The following MOSMO variants were observed in gnomAD, a reference collection of about 807,000 sequenced individuals.
MOSMO encodes the protein modulator of smoothened.
MOSMO carries 5 observed loss-of-function variants against 18.4 expected under a neutral mutation model. The ratio of observed to expected loss-of-function variants is 0.27; its 90% CI spans 0.14 to 0.57. The LOEUF is 0.57. Ranked by LOEUF, MOSMO falls within the 20% of genes least tolerant of loss-of-function variation. The probability of loss-of-function intolerance (pLI) is 0.92; values close to 1 mark genes in which losing one functional copy is unlikely to be tolerated. For synonymous variants in MOSMO, 82 were observed against 82.3 expected, an observed-to-expected ratio of 1.00 and a Z score of 0.02; for missense variants, 138 against 211.8, an observed-to-expected ratio of 0.65 and a Z score of 2.16.
chr16:22,020,913 T>C (rs1899748273), intron 1 of MOSMO, among the ~76,000 whole-genome samples: 1 of 152,240 alleles, frequency 6.6e-6, no homozygotes, highest in Non-Finnish European at 1.5e-5. Context: ...TTTTGGGTTT[T>C]CTGGCCCTAT....
chr16:22,010,862 A>G (rs1382324795), intron 1 of MOSMO, among the ~76,000 whole-genome samples: 2 of 151,814 alleles, frequency 1.3e-5, no homozygotes, highest in Admixed American at 6.6e-5. Flanking sequence ...CGGAGGTTGC[A>G]GTGAGCCAAG....
At chr16:22,034,719 CTG>C (rs1294666810) in intron 1 of MOSMO, among the ~76,000 whole-genome samples, 1 of 96,708 alleles carries the variant, frequency 1.0e-5, no homozygotes, top group African/African-American at 3.8e-5. Context: ...GGTTTAGAAA[CTG>C]TTTTTTTTGT....
intron 1 of MOSMO, among the ~76,000 whole-genome samples, chr16:22,052,727 A>G (rs1244800109): frequency 6.6e-6 from 1 of 152,210 alleles, no homozygotes; most frequent in Non-Finnish European, 1.5e-5. Flanking sequence ...AACTGTGGAA[A>G]CATACATGTA....
At chr16:22,018,151 C>T (rs1899678757) in intron 1 of MOSMO, among the ~76,000 whole-genome samples, 1 of 151,798 alleles carries the variant, frequency 6.6e-6, no homozygotes, top group South Asian at 2.1e-4. Context: ...ATATATTGAG[C>T]AAAAAGGCAG....
intron 1 of MOSMO, among the ~76,000 whole-genome samples, chr16:22,030,393 A>G (rs1160695326): frequency 1.3e-5 from 2 of 152,234 alleles, no homozygotes; most frequent in African/African-American, 4.8e-5. Flanking sequence ...CTATCCAGTT[A>G]AGACAGTGTG....
chr16:22,048,685 T>C (rs1900363616), intron 1 of MOSMO, among the ~76,000 whole-genome samples: 1 of 152,162 alleles, frequency 6.6e-6, no homozygotes, highest in South Asian at 2.1e-4. Context: ...AGTCTCACGT[T>C]GTTTTTCAAA....
intron 1 of MOSMO, chr16:22,075,243 T>A (rs1052540150): frequency 1.7e-6 from 1 of 605,436 alleles, no homozygotes. Context: ...AATGAATGCC[T>A]GAGTGAACTG....
chr16:22,018,304 C>T (rs1488571632), intron 1 of MOSMO, among the ~76,000 whole-genome samples: 1 of 152,062 alleles, frequency 6.6e-6, no homozygotes, highest in East Asian at 1.9e-4. Context: ...AATATATTCA[C>T]AGTAAGTTGT....
At chr16:22,008,655 C>T (rs1899445826) in intron 1 of MOSMO, among the ~76,000 whole-genome samples, 1 of 151,328 alleles carries the variant, frequency 6.6e-6, no homozygotes, top group Non-Finnish European at 1.5e-5. Flanking sequence ...GCCGAGGAGA[C>T]CTGGGCTGGG....
At chr16:22,070,250 G>A (rs551947992) in intron 1 of MOSMO, among the ~76,000 whole-genome samples, 2 of 152,188 alleles carry the variant, frequency 1.3e-5, no homozygotes, top group Admixed American at 6.5e-5. Flanking sequence ...CAGAGATGAC[G>A]GCCCTGAGAT....
chr16:22,043,325 A>G (rs1218851358), intron 1 of MOSMO, among the ~76,000 whole-genome samples: 1 of 152,178 alleles, frequency 6.6e-6, no homozygotes, highest in African/African-American at 2.4e-5. Flanking sequence ...CCAGCATTTT[A>G]GTCTTTTAGT....
downstream of MOSMO, among the ~76,000 whole-genome samples, chr16:22,088,752 A>G (rs1901236060): frequency 6.6e-6 from 1 of 152,200 alleles, no homozygotes; most frequent in African/African-American, 2.4e-5. Flanking sequence ...ACCTTACTCC[A>G]GGTTCTGTAA....
At chr16:22,016,963 C>T (rs1899651162) in intron 1 of MOSMO, among the ~76,000 whole-genome samples, 1 of 152,112 alleles carries the variant, frequency 6.6e-6, no homozygotes, top group Admixed American at 6.5e-5. Flanking sequence ...TTTTTCTCAC[C>T]TCAAAGTGTG....
intron 1 of MOSMO, among the ~76,000 whole-genome samples, chr16:22,009,407 A>G (rs4577074): frequency 0.57 from 87,204 of 151,836 alleles, 29,803 homozygotes; most frequent in Non-Finnish European, 0.77. Flanking sequence ...TCTGAAGGGT[A>G]CCCCAGGTGA....
intron 1 of MOSMO, among the ~76,000 whole-genome samples, chr16:22,059,355 A>G (rs1010600357): frequency 6.6e-6 from 1 of 152,192 alleles, no homozygotes; most frequent in Non-Finnish European, 1.5e-5. Context: ...GTTGTTGGGC[A>G]TCTCTCAGAG....
intron 1 of MOSMO, among the ~76,000 whole-genome samples, chr16:22,061,181 G>A (rs1044529281): frequency 1.3e-5 from 2 of 152,148 alleles, no homozygotes; most frequent in African/African-American, 4.8e-5. Flanking sequence ...ACTTTTTATG[G>A]TGATGCACAC....
At chr16:22,065,698 T>C (rs192550032) in intron 1 of MOSMO, among the ~76,000 whole-genome samples, 1 of 152,352 alleles carries the variant, frequency 6.6e-6, no homozygotes, top group Admixed American at 6.5e-5. Context: ...TTCCAGGTGT[T>C]ATCTCATTAT....
chr16:22,051,360 TG>T (rs1286566909), intron 1 of MOSMO, among the ~76,000 whole-genome samples: 3 of 151,594 alleles, frequency 2.0e-5, no homozygotes, highest in African/African-American at 7.3e-5. Flanking sequence ...CACTCCAGCC[TG>T]GGCGACAGAG....
chr16:22,090,081 A>G (rs1217306497), downstream of MOSMO: 1 of 152,156 alleles, frequency 6.6e-6, no homozygotes, highest in East Asian at 1.9e-4. Flanking sequence ...AGCTCGACAG[A>G]AGCCAGACTT....
Sources: allele counts gnomAD v4.1 joint callset (sites outside exome capture counted in the v4.1 genomes callset), GRCh38; gene constraint gnomAD v4.1.1; transcripts MANE v1.5; gene names NCBI Gene and HGNC (gene_info 2026-07-23, HGNC 2026-07-21).